Variants in UNC5D observed in about 807,000 individuals in gnomAD.
UNC5D encodes unc-5 netrin receptor D, also known as netrin receptor UNC5D.
Under a neutral mutation model 105.4 loss-of-function variants are expected in UNC5D, and 39 were observed. That is an observed-to-expected ratio of 0.37 (90% confidence interval 0.29 to 0.48). The LOEUF is 0.48. UNC5D is among the 20% of genes least tolerant of loss of function. UNC5D has a pLI of 0.98. For synonymous variants in UNC5D, 452 were observed against 450.4 expected, an observed-to-expected ratio of 1.00 and a Z score of -0.04; for missense variants, 991 against 1,202.4, an observed-to-expected ratio of 0.82 and a Z score of 2.60.
At chr8:35,468,461 G>A (rs973491233) in intron 1 of UNC5D, among the ~76,000 whole-genome samples, 3 of 152,138 alleles carry the variant, frequency 2.0e-5, no homozygotes, top group African/African-American at 7.2e-5. Context: ...TCAGTTCCCA[G>A]CTATCTATTG....
chr8:35,659,850 T>C (rs1303764441), intron 4 of UNC5D, among the ~76,000 whole-genome samples: 5 of 152,200 alleles, frequency 3.3e-5, no homozygotes, highest in Non-Finnish European at 7.3e-5. Context: ...AAGCTTGATG[T>C]ACCCAAGCTA....
At chr8:35,624,066 C>T (rs1821538864) in intron 4 of UNC5D, among the ~76,000 whole-genome samples, 1 of 151,906 alleles carries the variant, frequency 6.6e-6, no homozygotes, top group African/African-American at 2.4e-5. Context: ...GGCGACACAG[C>T]GAGACTCCAC....
At chr8:35,673,752 CA>C in intron 4 of UNC5D, among the ~76,000 whole-genome samples, 1 of 152,018 alleles carries the variant, frequency 6.6e-6, no homozygotes, top group Middle Eastern at 3.2e-3. Flanking sequence ...CATTGGTGTC[CA>C]ATACAGTCAC....
rs529510545 is a variant in UNC5D, at chr8:35,379,340, C to A, written c.103+143453C>A. On this transcript the variant is annotated intron_variant, in intron 1 of 16. Transcript: ENST00000404895. Reference sequence around the variant, plus strand: ...TCCTGATGAAACAGTCCACCATCACCTTTCCCTTCCTTGTTTACTAAGTTG... The same window carrying A: ...TCCTGATGAAACAGTCCACCATCACATTTCCCTTCCTTGTTTACTAAGTTG... Among the ~76,000 whole-genome samples the A allele has an allele frequency of 3.3e-5, 5 of 152,248 alleles. No homozygotes were observed. The East Asian group carries it at 9.7e-4, about 29-fold the overall frequency.
intron 1 of UNC5D, among the ~76,000 whole-genome samples, chr8:35,447,557 T>C (rs1340043469): frequency 6.6e-6 from 1 of 152,072 alleles, no homozygotes; most frequent in Non-Finnish European, 1.5e-5. Flanking sequence ...AAGTATAAAA[T>C]GGAGAGAATA....
In UNC5D at chr8:35,525,090, C is replaced by A. The variant is rs1211096831; in HGVS notation, c.104-24202C>A. 43 of 1,375,640 alleles carry A rather than the reference C, an allele frequency of 3.1e-5. 1 individual carries two copies. The Middle Eastern group carries it at 1.0e-3, about 32-fold the overall frequency. The allele number at this position is 1,375,640 out of a possible 1,614,324, so 85.2% of individuals were successfully genotyped here. On this transcript the variant is annotated intron_variant, in intron 1 of 16. Coordinates refer to ENST00000404895, the MANE Select transcript of UNC5D (RefSeq NM_080872.4). ...AAGAGCCAACAGGACATATAGGATC[C>A]CTTCCCTCCCCCGGCCTGCCTCCGC...
chr8:35,631,459 A>G (rs945798925), intron 4 of UNC5D, among the ~76,000 whole-genome samples: 10 of 152,328 alleles, frequency 6.6e-5, no homozygotes, highest in Admixed American at 6.5e-4. Flanking sequence ...CAACTGCACC[A>G]TGCACTGCTG....
chr8:35,274,916 C>A (rs1805668878), intron 1 of UNC5D, among the ~76,000 whole-genome samples: 1 of 151,652 alleles, frequency 6.6e-6, no homozygotes, highest in South Asian at 2.1e-4. Flanking sequence ...ATGGTGAAAC[C>A]CCGTCTCTCC....
intron 1 of UNC5D, among the ~76,000 whole-genome samples, chr8:35,465,744 A>G (rs1809258601): frequency 6.6e-6 from 1 of 152,164 alleles, no homozygotes. Flanking sequence ...GTTGCTACTC[A>G]GCTGACCTTA....
At chr8:35,277,820 T>G (rs1225651871) in intron 1 of UNC5D, among the ~76,000 whole-genome samples, 1 of 152,206 alleles carries the variant, frequency 6.6e-6, no homozygotes, top group Admixed American at 6.5e-5. Flanking sequence ...AAAATTTTGC[T>G]TATGTATGGG....
At chr8:35,653,390 C>T (rs983466485) in intron 4 of UNC5D, among the ~76,000 whole-genome samples, 1 of 152,170 alleles carries the variant, frequency 6.6e-6, no homozygotes, top group African/African-American at 2.4e-5. Flanking sequence ...TTGAGCCATG[C>T]TTCTCAAACC....
chr8:35,588,098 C>T (rs1169336017), intron 3 of UNC5D, among the ~76,000 whole-genome samples: 1 of 150,508 alleles, frequency 6.6e-6, no homozygotes, highest in Non-Finnish European at 1.5e-5. Flanking sequence ...GGTTCAGTTC[C>T]CTTATACAGA....
intron 3 of UNC5D, among the ~76,000 whole-genome samples, chr8:35,572,435 A>G (rs1206754189): frequency 1.3e-5 from 2 of 152,166 alleles, no homozygotes; most frequent in Non-Finnish European, 2.9e-5. Flanking sequence ...TTACAAAAAC[A>G]CCAGGAAGCT....
At chr8:35,755,060 ACCT>A (rs1830453985) in intron 13 of UNC5D, among the ~76,000 whole-genome samples, 1 of 152,028 alleles carries the variant, frequency 6.6e-6, no homozygotes. Flanking sequence ...GTTTGACATC[ACCT>A]CCTTTGATAA....
intron 4 of UNC5D, among the ~76,000 whole-genome samples, chr8:35,606,454 C>T (rs1014540104): frequency 1.1e-4 from 16 of 152,160 alleles, no homozygotes; most frequent in African/African-American, 3.6e-4. Context: ...TTCAAGAGTA[C>T]ATGTGCAGGT....
chr8:35,515,561 T>G (rs892209528), intron 1 of UNC5D, among the ~76,000 whole-genome samples: 3 of 152,192 alleles, frequency 2.0e-5, no homozygotes, highest in African/African-American at 7.2e-5. Flanking sequence ...GGTGTGCACC[T>G]GTAATCCCAG....
At chr8:35,281,662 G>A (rs1806179119) in intron 1 of UNC5D, among the ~76,000 whole-genome samples, 1 of 152,074 alleles carries the variant, frequency 6.6e-6, no homozygotes, top group Admixed American at 6.5e-5. Context: ...GCCTTTTATG[G>A]GCTGTGTGAT....
intron 8 of UNC5D, among the ~76,000 whole-genome samples, chr8:35,719,917 A>G (rs1739014285): frequency 6.6e-6 from 1 of 152,086 alleles, no homozygotes; most frequent in Non-Finnish European, 1.5e-5. Flanking sequence ...TTAAAATTTT[A>G]TAATTTAGTA....
In UNC5D at chr8:35,705,925, T is replaced by G; in HGVS notation, c.1085-4T>G. The G allele has an allele frequency of 7.5e-7, 1 of 1,328,754 alleles. No individual in the cohort carries two copies. The highest frequency in any genetic ancestry group is 1.1e-6 in the Non-Finnish European group (1 of 948,750). 82.3% of individuals were successfully genotyped at this position (1,328,754 alleles called of 1,614,324 possible). Reference sequence around the variant, plus strand: ...CTTTCTTTTTCTTTCTTTCTTTCTTTTAGATAAAAAACCTCTTCATGAAAT... The same window carrying G: ...CTTTCTTTTTCTTTCTTTCTTTCTTGTAGATAAAAAACCTCTTCATGAAAT... On this transcript the variant is annotated splice_polypyrimidine_tract_variant and splice_region_variant and intron_variant, in intron 7 of 16. Coordinates refer to ENST00000404895, the MANE Select transcript of UNC5D (RefSeq NM_080872.4).
Sources: allele counts gnomAD v4.1 joint callset (sites outside exome capture counted in the v4.1 genomes callset), GRCh38; gene constraint gnomAD v4.1.1; transcripts MANE v1.5; gene names NCBI Gene and HGNC (gene_info 2026-07-23, HGNC 2026-07-21).